CRKL: variants seen among roughly 807,000 people sequenced by gnomAD.
CRKL encodes the protein CRK like proto-oncogene, adaptor protein.
Under a neutral mutation model 23.0 loss-of-function variants are expected in CRKL, and 3 were observed. The observed-to-expected ratio is 0.13, with a 90% CI of 0.06 to 0.34. The LOEUF is 0.34. CRKL is among the 10% of genes least tolerant of loss of function. The pLI, the probability that CRKL is intolerant of heterozygous loss-of-function variation, is 1.00. For missense variants in CRKL, 256 were observed against 394.5 expected (o/e 0.65, Z 2.97); for synonymous variants, 188 against 160.7 (o/e 1.17, Z -1.28).
rs564770745 is a variant in CRKL at position 20,951,580 on chromosome 22, A to G, written c.*1735A>G. 4.4e-6 allele frequency: 1 copy of G among 225,030 alleles called. No individual in the cohort carries two copies. The highest frequency in any genetic ancestry group is 5.7e-5 in the Admixed American group (1 of 17,468). 13.9% of individuals were successfully genotyped at this position (225,030 alleles called of 1,614,324 possible). A position where few individuals can be genotyped will look rare whatever the true frequency, so the allele number is the denominator to read the frequency against. Reference sequence around the variant, plus strand: ...AAAAGCCTCAGCTCATAGTGAACACAGCAGACCTAGAAATGTAGCAGCAGC... The same window carrying G: ...AAAAGCCTCAGCTCATAGTGAACACGGCAGACCTAGAAATGTAGCAGCAGC... On this transcript the variant is annotated 3_prime_UTR_variant, in exon 3 of 3. Transcript: ENST00000354336.
chr22:20,923,302 A>T (rs1921058453), intron 1 of CRKL, among the ~76,000 whole-genome samples: 1 of 150,176 alleles, frequency 6.7e-6, no homozygotes, highest in Non-Finnish European at 1.5e-5. Context: ...TTTGAGACGG[A>T]GTCTTGTTCT....
At position 20,950,136 on chromosome 22, in the gene CRKL, T is replaced by C; in HGVS notation, c.*291T>C. On this transcript the variant is annotated 3_prime_UTR_variant, in exon 3 of 3. Coordinates refer to ENST00000354336, the MANE Select transcript of CRKL (RefSeq NM_005207.4). ...GAAGTTGACATGGAAAGGGTCTTCC[T>C]TCTCATTGCTGCCCGTTTGTACATG... 2.7e-6 allele frequency: 1 copy of C among 374,758 alleles called. No individual in the cohort carries two copies. Among genetic ancestry groups the C allele is most frequent in the Non-Finnish European group, 4.8e-6 (1 of 209,852 alleles). The allele number at this position is 374,758 out of a possible 1,614,324, so 23.2% of individuals were successfully genotyped here. A position where few individuals can be genotyped will look rare whatever the true frequency, so the allele number is the denominator to read the frequency against.
chr22:20,920,154 G>A (rs2147893712), intron 1 of CRKL, among the ~76,000 whole-genome samples: 1 of 152,262 alleles, frequency 6.6e-6, no homozygotes, highest in East Asian at 1.9e-4. Flanking sequence ...CATTCATTAA[G>A]CCATGCATAT....
chr22:20,927,168 G>A (rs1415639368), intron 1 of CRKL, among the ~76,000 whole-genome samples: 2 of 124,788 alleles, frequency 1.6e-5, no homozygotes, highest in Admixed American at 8.6e-5. Flanking sequence ...CACTAGAGAA[G>A]TACTTAGCTC....
rs532930393 is a variant in CRKL at position 20,927,192 on chromosome 22, A to ATTTTTTTT, written c.312-6576_312-6569dup. 6.8e-3 allele frequency among the ~76,000 whole-genome samples: 561 copies of ATTTTTTTT among 81,948 alleles called. 88 individuals carry two copies. Among genetic ancestry groups the ATTTTTTTT allele is most frequent in the African/African-American group, 0.029 (488 of 16,952 alleles). The allele number at this position is 81,948 out of a possible 152,430, so 53.8% of individuals were successfully genotyped here. On this transcript the variant is annotated intron_variant, in intron 1 of 2. Coordinates refer to ENST00000354336, the MANE Select transcript of CRKL (RefSeq NM_005207.4). Reference sequence around the variant, plus strand: ...AGTACTTAGCTCATCTTGGAATTGAATTTTTTTTTTTTTTTTTTGAGACAG... The same window carrying ATTTTTTTT: ...AGTACTTAGCTCATCTTGGAATTGAATTTTTTTTTTTTTTTTTTTTTTTTTTGAGACAG...
Position 20,950,986 on chromosome 22 carries a change from G to A in CRKL, c.*1141G>A. 4.3e-6 allele frequency: 1 copy of A among 232,720 alleles called. No homozygotes were observed. Among genetic ancestry groups the A allele is most frequent in the Non-Finnish European group, 8.5e-6 (1 of 117,744 alleles). 14.4% of individuals were successfully genotyped at this position (232,720 alleles called of 1,614,324 possible). ...TTTGTTTTAAAAAGCATCAGAGTTG[G>A]GGGTACTTTAGGGAAACCTTTGCTT... is the stretch of plus-strand genomic sequence containing the variant. On this transcript the variant is annotated 3_prime_UTR_variant, in exon 3 of 3. Transcript: ENST00000354336.
chr22:20,947,819 C>G (rs1444725978), intron 2 of CRKL, among the ~76,000 whole-genome samples: 1 of 148,746 alleles, frequency 6.7e-6, no homozygotes, highest in East Asian at 2.0e-4. Flanking sequence ...TCCCAAGTAG[C>G]TGGGACTGCA....
At position 20,918,173 on chromosome 22, in the gene CRKL, A is replaced by G; in HGVS notation, c.239A>G (p.His80Arg). 2 of 1,613,944 alleles carry G rather than the reference A, an allele frequency of 1.2e-6. No homozygotes were observed. The highest frequency in any genetic ancestry group is 1.7e-6 in the Non-Finnish European group (2 of 1,179,984). ...AAGATCGGGGACCAGGAATTTGACC[A>G]TTTGCCGGCCCTGCTGGAGTTTTAC... ...RFKIGDQEFD[H>R]LPALLEFYKI... The change falls in exon 1 of 3, where the codon CAT becomes CGT. Residue 80 changes from histidine to arginine, a missense_variant. Transcript: ENST00000354336.
At chr22:20,931,522 A>G (rs1411405658) in intron 1 of CRKL, among the ~76,000 whole-genome samples, 3 of 152,230 alleles carry the variant, frequency 2.0e-5, no homozygotes, top group Admixed American at 2.0e-4. Context: ...CACATGCATT[A>G]TGCCATTAAT....
rs138659879 is a variant in CRKL at position 20,950,635 on chromosome 22, ACTCCTGACTTCAGGTGATC to A, written c.*792_*810del. ...ATCATGTTGACCAGGCTGGTCTCAA[ACTCCTGACTTCAGGTGATC>A]CACCCGCCTTCAGCCTCCCAACGTG... is the stretch of plus-strand genomic sequence containing the variant. On this transcript the variant is annotated 3_prime_UTR_variant, in exon 3 of 3. Transcript: ENST00000354336. The A allele has an allele frequency of 6.0e-3, 1,301 of 215,412 alleles. 9 individuals are homozygous for A. Among genetic ancestry groups the A allele is most frequent in the African/African-American group, 0.026 (1,168 of 44,274 alleles). The allele number at this position is 215,412 out of a possible 1,614,324, so 13.3% of individuals were successfully genotyped here. A position where few individuals can be genotyped will look rare whatever the true frequency, so the allele number is the denominator to read the frequency against.
At chr22:20,927,463 A>T (rs1921262389) in intron 1 of CRKL, among the ~76,000 whole-genome samples, 1 of 144,654 alleles carries the variant, frequency 6.9e-6, no homozygotes, top group African/African-American at 2.6e-5. Flanking sequence ...ATGTGCTGGG[A>T]TTACAGGCAT....
intron 2 of CRKL, among the ~76,000 whole-genome samples, chr22:20,942,212 AT>A (rs1921907593): frequency 6.6e-6 from 1 of 152,194 alleles, no homozygotes; most frequent in Non-Finnish European, 1.5e-5. Flanking sequence ...ATTGGGTACA[AT>A]GTTTTCAGAG....
In CRKL at chr22:20,950,079, T is replaced by C. The variant is rs1042821625; in HGVS notation, c.*234T>C. 3.4e-5 allele frequency: 17 copies of C among 501,966 alleles called. No individual in the cohort carries two copies. Among genetic ancestry groups the C allele is most frequent in the African/African-American group, 3.2e-4 (16 of 49,688 alleles). The allele number at this position is 501,966 out of a possible 1,614,324, so 31.1% of individuals were successfully genotyped here. A position where few individuals can be genotyped will look rare whatever the true frequency, so the allele number is the denominator to read the frequency against. On this transcript the variant is annotated 3_prime_UTR_variant, in exon 3 of 3. Transcript: ENST00000354336. The stretch of plus-strand genomic sequence containing the variant: ...TTTAGAGTTCTTTTGGATCATAAAC[T>C]GGAAATACTGATGGAAGCACACAAG...
chr22:20,924,949 G>C (rs541581012), intron 1 of CRKL, among the ~76,000 whole-genome samples: 1 of 152,258 alleles, frequency 6.6e-6, no homozygotes, highest in East Asian at 1.9e-4. Flanking sequence ...CAGCACTGTG[G>C]GAGGCTTAGG....
chr22:20,926,578 G>T (rs913616213), intron 1 of CRKL, among the ~76,000 whole-genome samples: 1 of 152,102 alleles, frequency 6.6e-6, no homozygotes, highest in African/African-American at 2.4e-5. Flanking sequence ...GTGGTATTTA[G>T]CAATCTGATG....
At chr22:20,922,964 C>T (rs190763952) in intron 1 of CRKL, among the ~76,000 whole-genome samples, 228 of 152,240 alleles carry the variant, frequency 1.5e-3, no homozygotes, top group African/African-American at 4.5e-3. Context: ...TGAGCCACTG[C>T]GCCTGGCCTA....
rs532930393 is a variant in CRKL, at chr22:20,927,192, A to ATTTTTTTTTTTTTTTTTTTTTTTTT, written c.312-6569_312-6568insTTTTTTTTTTTTTTTTTTTTTTTTT. ...AGTACTTAGCTCATCTTGGAATTGA[A>ATTTTTTTTTTTTTTTTTTTTTTTTT]TTTTTTTTTTTTTTTTTTGAGACAG... is the stretch of plus-strand genomic sequence containing the variant. On this transcript the variant is annotated intron_variant, in intron 1 of 2. Coordinates refer to ENST00000354336, the MANE Select transcript of CRKL (RefSeq NM_005207.4). Among the ~76,000 whole-genome samples, 66 of 81,968 alleles carry ATTTTTTTTTTTTTTTTTTTTTTTTT rather than the reference A, an allele frequency of 8.1e-4. 9 individuals are homozygous for ATTTTTTTTTTTTTTTTTTTTTTTTT. Among genetic ancestry groups the ATTTTTTTTTTTTTTTTTTTTTTTTT allele is most frequent in the African/African-American group, 2.1e-3 (35 of 16,968 alleles). 53.8% of individuals were successfully genotyped at this position (81,968 alleles called of 152,430 possible).
intron 2 of CRKL, among the ~76,000 whole-genome samples, chr22:20,941,586 A>T (rs866927547): frequency 0.062 from 1,159 of 18,752 alleles, 273 homozygotes; most frequent in African/African-American, 0.14. Context: ...GTGTATATAT[A>T]TATTTTTTTT....
At chr22:20,929,492 CTCTG>C (rs894033749) in intron 1 of CRKL, among the ~76,000 whole-genome samples, 2 of 151,518 alleles carry the variant, frequency 1.3e-5, no homozygotes, top group East Asian at 2.0e-4. Flanking sequence ...GAGACGGAAT[CTCTG>C]TCTGTCGCCC....
Sources: allele counts gnomAD v4.1 joint callset (sites outside exome capture counted in the v4.1 genomes callset), GRCh38; gene constraint gnomAD v4.1.1; transcripts MANE v1.5; gene names NCBI Gene and HGNC (gene_info 2026-07-23, HGNC 2026-07-21).